MND1: variants seen among roughly 807,000 people sequenced by gnomAD.
The protein encoded by MND1 is meiotic nuclear divisions 1, also known as meiotic nuclear division protein 1 homolog.
Under a neutral mutation model 35.1 loss-of-function variants are expected in MND1, and 28 were observed. The observed-to-expected ratio is 0.80, with a 90% CI of 0.59 to 1.09. The LOEUF (loss-of-function observed/expected upper bound fraction) is 1.09, where lower values mean the gene tolerates loss of function less well. Among genes scored for constraint, MND1 ranks in the 50% least tolerant of loss-of-function variants. The pLI, the probability that MND1 is intolerant of heterozygous loss-of-function variation, is 0.00. For missense variants in MND1, 213 were observed against 239.6 expected, an observed-to-expected ratio of 0.89 and a Z score of 0.73; for synonymous variants, 69 against 70.5, an observed-to-expected ratio of 0.98 and a Z score of 0.11.
chr4:153,347,522 C>CT (rs1452161035), intron 1 of MND1, among the ~76,000 whole-genome samples: 1 of 152,190 alleles, frequency 6.6e-6, no homozygotes, highest in Non-Finnish European at 1.5e-5. Flanking sequence ...TCTCCCTTGT[C>CT]TAACTTGGCA....
At chr4:153,410,924 G>C (rs1024412208) in intron 7 of MND1, among the ~76,000 whole-genome samples, 1 of 152,324 alleles carries the variant, frequency 6.6e-6, no homozygotes, top group East Asian at 1.9e-4. Flanking sequence ...CCAGGAGGCG[G>C]AGGTTGCAGT....
intron 6 of MND1, among the ~76,000 whole-genome samples, chr4:153,407,192 G>A (rs1232536196): frequency 2.6e-5 from 4 of 152,196 alleles, no homozygotes; most frequent in South Asian, 2.1e-4. Flanking sequence ...GGCCGGGCAC[G>A]GTGGCTCACG....
chr4:153,404,242 C>T (rs1214355188), intron 6 of MND1, among the ~76,000 whole-genome samples: 23 of 122,438 alleles, frequency 1.9e-4, no homozygotes, highest in Non-Finnish European at 2.7e-4. Flanking sequence ...AGTGCAGTGG[C>T]GTGATCTCAG....
chr4:153,408,129 G>A (rs929057438), intron 6 of MND1, among the ~76,000 whole-genome samples: 2 of 152,138 alleles, frequency 1.3e-5, no homozygotes, highest in African/African-American at 4.8e-5. Flanking sequence ...AATGAGCTGG[G>A]CATGGTGGCG....
At chr4:153,386,186 T>TCAAA (rs1728854748) in intron 4 of MND1, among the ~76,000 whole-genome samples, 1 of 151,866 alleles carries the variant, frequency 6.6e-6, no homozygotes, top group African/African-American at 2.4e-5. Flanking sequence ...TTGTTTTTTG[T>TCAAA]TTTTGTTTTT....
intron 4 of MND1, among the ~76,000 whole-genome samples, chr4:153,373,640 G>A (rs900013498): frequency 8.5e-5 from 13 of 152,174 alleles, no homozygotes; most frequent in Admixed American, 2.0e-4. Flanking sequence ...CTCACGTACC[G>A]GAGATCAAAG....
intron 1 of MND1, among the ~76,000 whole-genome samples, chr4:153,346,155 G>A (rs1773073097): frequency 6.6e-6 from 1 of 152,182 alleles, no homozygotes; most frequent in African/African-American, 2.4e-5. Flanking sequence ...TGAATTAATA[G>A]CTGTTTTCAT....
At chr4:153,398,317 A>T (rs10022906) in intron 6 of MND1, among the ~76,000 whole-genome samples, 10,627 of 152,248 alleles carry the variant, frequency 0.07, 636 homozygotes, top group African/African-American at 0.17. Context: ...AGTGAAACTC[A>T]TAGAAAAACT....
chr4:153,402,489 T>C (rs1037101542), intron 6 of MND1, among the ~76,000 whole-genome samples: 17 of 152,186 alleles, frequency 1.1e-4, no homozygotes, highest in Non-Finnish European at 1.9e-4. Context: ...CTGAGGAAAA[T>C]TAGCAGACTC....
chr4:153,412,823 T>C (rs1481167428), intron 7 of MND1, among the ~76,000 whole-genome samples: 15 of 147,690 alleles, frequency 1.0e-4, no homozygotes, highest in Non-Finnish European at 2.1e-4. Context: ...TTTTTTTTTT[T>C]GAGACGGAGT....
At chr4:153,356,502 G>A (rs1197570836) in intron 3 of MND1, among the ~76,000 whole-genome samples, 3 of 128,010 alleles carry the variant, frequency 2.3e-5, no homozygotes, top group South Asian at 5.1e-4. Flanking sequence ...GCAGTGAGCC[G>A]AGATCGCGCC....
chr4:153,345,130 C>T (rs1291214841), intron 1 of MND1, among the ~76,000 whole-genome samples: 1 of 152,124 alleles, frequency 6.6e-6, no homozygotes, highest in Non-Finnish European at 1.5e-5. Flanking sequence ...CCTGGGCTCC[C>T]TACGCCTCCA....
chr4:153,347,303 T>G (rs1773097315), intron 1 of MND1, among the ~76,000 whole-genome samples: 1 of 152,200 alleles, frequency 6.6e-6, no homozygotes, highest in African/African-American at 2.4e-5. Context: ...AGCAGATCTG[T>G]ATGGGTTCCT....
chr4:153,355,244 A>C (rs1773312176), intron 2 of MND1, among the ~76,000 whole-genome samples: 1 of 152,210 alleles, frequency 6.6e-6, no homozygotes, highest in Non-Finnish European at 1.5e-5. Flanking sequence ...GGAATGAGAT[A>C]ATCAAAGAGT....
intron 1 of MND1, among the ~76,000 whole-genome samples, chr4:153,348,133 G>A (rs1039795962): frequency 6.6e-6 from 1 of 152,194 alleles, no homozygotes; most frequent in Non-Finnish European, 1.5e-5. Context: ...GGCAGTGGTA[G>A]TAGAGATAGA....
intron 7 of MND1, among the ~76,000 whole-genome samples, chr4:153,413,347 A>C (rs1729742134): frequency 6.6e-6 from 1 of 152,150 alleles, no homozygotes; most frequent in Non-Finnish European, 1.5e-5. Context: ...CATTTTCATC[A>C]TAAAGGTTGT....
At chr4:153,411,619 C>T (rs1729686319) in intron 7 of MND1, among the ~76,000 whole-genome samples, 2 of 152,168 alleles carry the variant, frequency 1.3e-5, no homozygotes, top group South Asian at 4.2e-4. Context: ...GTTTCTTATC[C>T]TCCTATGAAT....
At chr4:153,391,688 T>A (rs1016799142) in intron 4 of MND1, among the ~76,000 whole-genome samples, 27 of 144,666 alleles carry the variant, frequency 1.9e-4, no homozygotes, top group Admixed American at 4.2e-4. Context: ...GATTGCGCCA[T>A]TGCACTCCAG....
intron 7 of MND1, among the ~76,000 whole-genome samples, chr4:153,413,566 C>T (rs12506377): frequency 0.54 from 82,087 of 151,448 alleles, 24,267 homozygotes; most frequent in African/African-American, 0.8. Flanking sequence ...TTGTCTCTGC[C>T]ACTCGTGGGG....
Sources: gnomAD v4.1 joint callset for allele counts (sites outside exome capture counted in the v4.1 genomes callset) on GRCh38, gnomAD v4.1.1 for gene constraint, MANE v1.5 for transcripts, NCBI Gene and HGNC (gene_info 2026-07-23, HGNC 2026-07-21) for gene names.